Variants in ROBO2 observed in about 807,000 individuals in gnomAD.
The protein encoded by ROBO2 is roundabout guidance receptor 2, also known as roundabout homolog 2.
ROBO2 carries 53 observed loss-of-function variants against 160.8 expected under a neutral mutation model. The observed-to-expected ratio is 0.33, with a 90% confidence interval of 0.26 to 0.41. The LOEUF (loss-of-function observed/expected upper bound fraction) is 0.41, where lower values mean the gene tolerates loss of function less well. Among genes scored for constraint, ROBO2 ranks in the 10% least tolerant of loss-of-function variants. ROBO2 has a pLI of 1.00. For missense variants in ROBO2, 1,577 were observed against 1,722.4 expected, an observed-to-expected ratio of 0.92 and a Z score of 1.49; for synonymous variants, 664 against 611.7, an observed-to-expected ratio of 1.09 and a Z score of -1.26.
chr3:76,070,051 G>A lies in ROBO2; in HGVS notation c.109+132449G>A, dbSNP rs117788874. 7.2e-3 allele frequency among the ~76,000 whole-genome samples: 1,090 copies of A among 152,076 alleles called. 65 individuals carry two copies. In the East Asian group the frequency reaches 0.15, roughly 22 times the overall value. On this transcript the variant is annotated intron_variant, in intron 2 of 26. Coordinates refer to the ROBO2 transcript ENST00000487694. ...CTGTCAGATGAGGAGGATGTATGTC[G>A]CCTCAGGACCAAGTGATAATTGCAT...
At chr3:76,533,030 A>G (rs763592180) in intron 2 of ROBO2, among the ~76,000 whole-genome samples, 4 of 152,228 alleles carry the variant, frequency 2.6e-5, no homozygotes, top group African/African-American at 4.8e-5. Flanking sequence ...TATATTAACT[A>G]ATGTTTTGAA....
At chr3:75,956,002 T>C (rs1303645774) in intron 2 of ROBO2, among the ~76,000 whole-genome samples, 3 of 151,808 alleles carry the variant, frequency 2.0e-5, no homozygotes, top group Admixed American at 6.6e-5. Context: ...ATGGAAGCCA[T>C]TGCCTGTATT....
chr3:76,324,331 C>G (rs2072830800), intron 2 of ROBO2, among the ~76,000 whole-genome samples: 1 of 152,190 alleles, frequency 6.6e-6, no homozygotes, highest in Non-Finnish European at 1.5e-5. Context: ...GCTGTGTGTT[C>G]TTTCAATCCC....
At chr3:76,682,914 G>T (rs568020644) in intron 2 of ROBO2, among the ~76,000 whole-genome samples, 1 of 152,198 alleles carries the variant, frequency 6.6e-6, no homozygotes, top group African/African-American at 2.4e-5. Flanking sequence ...CTGGCGCTCA[G>T]AAGAAAGGGC....
At chr3:77,382,560 C>T (rs933908892) in intron 2 of ROBO2, among the ~76,000 whole-genome samples, 1 of 152,018 alleles carries the variant, frequency 6.6e-6, no homozygotes, top group Non-Finnish European at 1.5e-5. Context: ...CTCCTTCACC[C>T]CCTTCCCAAC....
intron 2 of ROBO2, among the ~76,000 whole-genome samples, chr3:76,394,469 T>C (rs1030975127): frequency 6.6e-6 from 1 of 152,182 alleles, no homozygotes. Flanking sequence ...TTCTGGCTTG[T>C]AGAGTTTCTG....
intron 2 of ROBO2, among the ~76,000 whole-genome samples, chr3:76,764,075 G>A (rs1447961283): frequency 6.6e-6 from 1 of 151,592 alleles, no homozygotes; most frequent in Non-Finnish European, 1.5e-5. Context: ...ACATTAATTA[G>A]CCAACTCACA....
intron 2 of ROBO2, among the ~76,000 whole-genome samples, chr3:76,254,483 A>G (rs1706232758): frequency 6.6e-6 from 1 of 152,080 alleles, no homozygotes; most frequent in Non-Finnish European, 1.5e-5. Context: ...AGACTTAGGG[A>G]ACTGCTTACA....
chr3:76,780,206 TG>T (rs2062545857), intron 2 of ROBO2, among the ~76,000 whole-genome samples: 1 of 150,728 alleles, frequency 6.6e-6, no homozygotes, highest in Non-Finnish European at 1.5e-5. Flanking sequence ...TTTGTTTGTT[TG>T]TTTTTTTTTT....
At chr3:76,739,648 G>A (rs1015424803) in intron 2 of ROBO2, among the ~76,000 whole-genome samples, 2 of 151,980 alleles carry the variant, frequency 1.3e-5, no homozygotes, top group African/African-American at 4.8e-5. Context: ...AGTGTAGTTT[G>A]GTTGATGTAT....
chr3:76,490,498 G>A (rs750203756), intron 2 of ROBO2, among the ~76,000 whole-genome samples: 3 of 152,136 alleles, frequency 2.0e-5, no homozygotes, highest in Non-Finnish European at 4.4e-5. Flanking sequence ...CAAAGAAAAA[G>A]AGTTCACATT....
chr3:76,912,056 G>T (rs966765860), intron 2 of ROBO2, among the ~76,000 whole-genome samples: 3 of 152,094 alleles, frequency 2.0e-5, no homozygotes, highest in African/African-American at 7.2e-5. Flanking sequence ...TGAAACCAAA[G>T]ACCAATTCTA....
chr3:77,316,938 T>G (rs1357350130), intron 2 of ROBO2: 9 of 1,282,552 alleles, frequency 7.0e-6, no homozygotes, highest in Admixed American at 1.7e-5. Context: ...GATACTTGGC[T>G]GCTGTTCCGA....
intron 2 of ROBO2, among the ~76,000 whole-genome samples, chr3:76,665,475 G>A (rs934918407): frequency 2.0e-5 from 3 of 151,686 alleles, no homozygotes; most frequent in Non-Finnish European, 4.4e-5. Flanking sequence ...AATGCACTAA[G>A]CTAAAACTCC....
intron 2 of ROBO2, among the ~76,000 whole-genome samples, chr3:77,237,446 G>GTGTGTGTGTGTGT (rs2088234745): frequency 4.9e-5 from 2 of 41,166 alleles, no homozygotes; most frequent in Non-Finnish European, 1.9e-4. Flanking sequence ...TGTGTGTGTG[G>GTGTGTGTGTGTGT]TGGTGATAAG....
chr3:76,321,020 A>G (rs1030307397), intron 2 of ROBO2, among the ~76,000 whole-genome samples: 9 of 152,242 alleles, frequency 5.9e-5, no homozygotes, highest in African/African-American at 1.9e-4. Context: ...CATTCATTCA[A>G]TAAATATTTA....
At chr3:77,352,657 G>C (rs565830901) in intron 2 of ROBO2, among the ~76,000 whole-genome samples, 6 of 152,100 alleles carry the variant, frequency 3.9e-5, no homozygotes, top group African/African-American at 1.4e-4. Context: ...TGTAAAAAAT[G>C]GTCATATTAT....
chr3:75,991,432 A>T (rs1036522276), intron 2 of ROBO2, among the ~76,000 whole-genome samples: 9 of 152,054 alleles, frequency 5.9e-5, no homozygotes, highest in Admixed American at 5.9e-4. Context: ...GATGGTTATA[A>T]ATCATGAGTT....
chr3:77,470,817 G>T (rs1345993117), intron 2 of ROBO2, among the ~76,000 whole-genome samples: 1 of 152,128 alleles, frequency 6.6e-6, no homozygotes, highest in African/African-American at 2.4e-5. Context: ...CGGGCTAGAG[G>T]TCGGTCTTCT....
Sources: gnomAD v4.1 joint callset for allele counts (sites outside exome capture counted in the v4.1 genomes callset) on GRCh38, gnomAD v4.1.1 for gene constraint, MANE v1.5 for transcripts, NCBI Gene and HGNC (gene_info 2026-07-23, HGNC 2026-07-21) for gene names.